Variants in MAST2 observed in about 807,000 individuals in gnomAD.
MAST2 encodes microtubule-associated serine/threonine-protein kinase 2.
Under a neutral mutation model 147.4 loss-of-function variants are expected in MAST2, and 70 were observed. The ratio of observed to expected loss-of-function variants is 0.47; its 90% confidence interval spans 0.39 to 0.58. The LOEUF is 0.58. Among genes scored for constraint, MAST2 ranks in the 20% least tolerant of loss-of-function variants. The pLI, the probability that MAST2 is intolerant of heterozygous loss-of-function variation, is 0.00. For synonymous variants in MAST2, 869 were observed against 896.8 expected, an observed-to-expected ratio of 0.97 and a Z score of 0.55; for missense variants, 2,080 against 2,302.3, an observed-to-expected ratio of 0.90 and a Z score of 1.98.
At chr1:45,956,550 C>T (rs1413829195) in intron 4 of MAST2, among the ~76,000 whole-genome samples, 13 of 152,194 alleles carry the variant, frequency 8.5e-5, no homozygotes, top group Non-Finnish European at 7.3e-5. Context: ...GCAACTACTG[C>T]TGTTACTGGA....
intron 5 of MAST2, among the ~76,000 whole-genome samples, chr1:45,969,673 C>T (rs1400095135): frequency 6.6e-6 from 1 of 151,974 alleles, no homozygotes; most frequent in African/African-American, 2.4e-5. Context: ...TGCAGGAAAA[C>T]AAGTTCAGGG....
rs1238848887 is a variant in MAST2, at chr1:45,965,858, T to C, written c.592+6381T>C. The stretch of plus-strand genomic sequence containing the variant: ...CAGCTCCCTACCAGAGTGCTACATT[T>C]GTTACAGTTGATGAGCCTACACTGA... On this transcript the variant is annotated intron_variant, in intron 5 of 28. Transcript: ENST00000361297. Among the ~76,000 whole-genome samples the C allele has an allele frequency of 4.6e-5, 7 of 152,270 alleles. No individual in the cohort carries two copies. In the East Asian group the frequency reaches 1.2e-3, roughly 25 times the overall value.
intron 10 of MAST2, chr1:46,011,192 G>A (rs41291502): frequency 0.039 from 19,083 of 492,738 alleles, 461 homozygotes; most frequent in Non-Finnish European, 0.052. Flanking sequence ...GTTGTATTAC[G>A]CGAAGCTCCA....
intron 5 of MAST2, among the ~76,000 whole-genome samples, chr1:45,977,570 C>T (rs372618837): frequency 2.4e-4 from 36 of 151,904 alleles, no homozygotes; most frequent in African/African-American, 8.2e-4. Flanking sequence ...GAGGCCGAGG[C>T]GGGCGGATCA....
At chr1:45,924,177 CCT>C (rs577784192) in intron 4 of MAST2, among the ~76,000 whole-genome samples, 155 of 152,092 alleles carry the variant, frequency 1.0e-3, no homozygotes, top group Non-Finnish European at 1.1e-3. Flanking sequence ...CAAAAAAATC[CCT>C]CTGTTTTTTT....
rs759726482 is a variant in MAST2 at position 46,035,562 on chromosome 1, T to G, written c.4893T>G (p.Ser1631=). The G allele has an allele frequency of 8.1e-6, 13 of 1,613,494 alleles. No individual in the cohort carries two copies. In the South Asian group the frequency reaches 1.4e-4, roughly 18 times the overall value. The part of the protein sequence containing the change: ...HLHTQALTAL[S]PSTSGLTPTS... ...ACACCCAGGCACTAACAGCACTTTC[T>G]CCCAGCACTTCGGGACTCACCCCCA... The change falls in exon 29 of 29, where the codon TCT becomes TCG. Residue 1631 remains serine, a synonymous_variant. Transcript: ENST00000361297. The surrounding 1 kb of genome is among the most constrained non-coding windows in gnomAD (Gnocchi z 5.5).
intron 3 of MAST2, among the ~76,000 whole-genome samples, chr1:45,881,186 A>C (rs1238729219): frequency 6.6e-6 from 1 of 152,178 alleles, no homozygotes; most frequent in Non-Finnish European, 1.5e-5. Context: ...GAATGTTTAC[A>C]AGAGTATTGT....
At chr1:45,817,118 G>A (rs928516165) in intron 1 of MAST2, among the ~76,000 whole-genome samples, 2 of 152,118 alleles carry the variant, frequency 1.3e-5, no homozygotes, top group Non-Finnish European at 1.5e-5. Flanking sequence ...AAATCTAAGC[G>A]TTTTGGCCTT....
intron 3 of MAST2, among the ~76,000 whole-genome samples, chr1:45,860,459 G>A (rs1217143927): frequency 6.6e-6 from 1 of 151,664 alleles, no homozygotes; most frequent in Non-Finnish European, 1.5e-5. Context: ...TTTCTTGGCA[G>A]TCCTTCCCTT....
At chr1:45,982,583 C>T (rs760841591) in intron 5 of MAST2, among the ~76,000 whole-genome samples, 1 of 152,188 alleles carries the variant, frequency 6.6e-6, no homozygotes, top group African/African-American at 2.4e-5. Context: ...GGAGAGGGCA[C>T]AGGATCTCTA....
At chr1:45,844,985 G>C (rs1645386271) in intron 3 of MAST2, among the ~76,000 whole-genome samples, 2 of 152,074 alleles carry the variant, frequency 1.3e-5, no homozygotes. Flanking sequence ...ATTCCTGTAA[G>C]CCCTTTTTAT....
rs138251462 is a variant in MAST2 at position 45,928,116 on chromosome 1, C to T, written c.501-31270C>T. Among the ~76,000 whole-genome samples the T allele has an allele frequency of 1.2e-3, 190 of 152,282 alleles. 1 individual carries two copies. The highest frequency in any genetic ancestry group is 2.1e-3 in the Non-Finnish European group (142 of 68,006). ...AAAAATGTTCAAAAGTAGAAAGACT[C>T]ATACTACATCCCCAGTATCGTCTAC... On this transcript the variant is annotated intron_variant, in intron 4 of 28. Transcript: ENST00000361297.
chr1:45,933,243 G>A (rs1201507019), intron 4 of MAST2, among the ~76,000 whole-genome samples: 1 of 142,282 alleles, frequency 7.0e-6, no homozygotes, highest in African/African-American at 2.6e-5. Context: ...AAAAGCGGGG[G>A]GGTTGGGGGG....
At chr1:46,030,063 C>T (rs551342439) in intron 20 of MAST2, 66 bp from the exon 21 acceptor site, 1 of 1,605,700 alleles carries the variant, frequency 6.2e-7, no homozygotes, top group East Asian at 2.2e-5. Context: ...CTGCTGAAAT[C>T]TAATGGGGTC....
At chr1:45,847,499 C>T in intron 3 of MAST2, 1 of 783,164 alleles carries the variant, frequency 1.3e-6, no homozygotes, top group Non-Finnish European at 2.0e-6. Flanking sequence ...TCAATTTTTC[C>T]TTTTTTTCTT....
At chr1:45,931,377 GTTTTTTTT>G (rs71587091) in intron 4 of MAST2, among the ~76,000 whole-genome samples, 2 of 101,206 alleles carry the variant, frequency 2.0e-5, no homozygotes, top group Middle Eastern at 6.3e-3. Context: ...ATTGTGTTCT[GTTTTTTTT>G]TTTTTTTTTT....
intron 5 of MAST2, among the ~76,000 whole-genome samples, chr1:45,978,556 G>T (rs2149040326): frequency 6.6e-6 from 1 of 152,190 alleles, no homozygotes; most frequent in Admixed American, 6.5e-5. Context: ...ATCACAAAAA[G>T]ATATTATATG....
chr1:45,863,078 G>A (rs1429129460), intron 3 of MAST2, among the ~76,000 whole-genome samples: 1 of 152,144 alleles, frequency 6.6e-6, no homozygotes, highest in Non-Finnish European at 1.5e-5. Flanking sequence ...CCCTATCTCA[G>A]TGGTTGGCAA....
chr1:45,981,504 A>C (rs1644406045), intron 5 of MAST2, among the ~76,000 whole-genome samples: 1 of 152,194 alleles, frequency 6.6e-6, no homozygotes, highest in African/African-American at 2.4e-5. Flanking sequence ...CCTCTGGCTG[A>C]ATAACTCCTG....
Sources: allele counts gnomAD v4.1 joint callset (sites outside exome capture counted in the v4.1 genomes callset), GRCh38; gene constraint gnomAD v4.1.1; non-coding constraint Gnocchi (gnomAD v3.1); transcripts MANE v1.5; gene names NCBI Gene and HGNC (gene_info 2026-07-23, HGNC 2026-07-21).